Variants in CENPF observed in about 807,000 individuals in gnomAD.
CENPF encodes AH antigen.
A neutral mutation model predicts 307.3 loss-of-function variants in CENPF; 214 were observed. The observed-to-expected ratio is 0.70, with a 90% CI of 0.62 to 0.78. CENPF has a LOEUF of 0.78. Among genes scored for constraint, CENPF ranks in the 30% least tolerant of loss-of-function variants. The pLI, the probability that CENPF is intolerant of heterozygous loss-of-function variation, is 0.00. For missense variants in CENPF, 3,401 were observed against 3,483.9 expected, an observed-to-expected ratio of 0.98 and a Z score of 0.60; for synonymous variants, 1,259 against 1,270.6, an observed-to-expected ratio of 0.99 and a Z score of 0.19.
Position 214,657,004 on chromosome 1 carries a change from A to G in CENPF, c.8557A>G (p.Lys2853Glu). 2 of 1,613,712 alleles carry G rather than the reference A, an allele frequency of 1.2e-6. No homozygotes were observed. Among genetic ancestry groups the G allele is most frequent in the Non-Finnish European group, 8.5e-7 (1 of 1,179,928 alleles). The part of the protein sequence containing the change: ...IKELKETLEE[K>E]TKEADEYLDK... The stretch of plus-strand genomic sequence containing the variant: ...AGAACTGAAAGAAACTCTTGAAGAA[A>G]AAACCAAGGAGGCAGATGAATACTT... Residue 2853 changes from lysine to glutamate, a missense_variant, in exon 18 of 20, where the codon AAA becomes GAA. Lys to Glu is a moderately conservative substitution (Grantham distance 56, BLOSUM62 1). Transcript: ENST00000366955.
At chr1:214,616,841 CTTTCTTTCTTTCTTTCTT>C (rs1657356472) in intron 3 of CENPF, among the ~76,000 whole-genome samples, 2 of 2,458 alleles carry the variant, frequency 8.1e-4, no homozygotes, top group African/African-American at 1.3e-3. Context: ...CTTCCTCTTT[CTTTCTTTCTTTCTTTCTT>C]TCTTTCTTTC....
intron 17 of CENPF, among the ~76,000 whole-genome samples, chr1:214,655,920 C>T (rs975516931): frequency 1.1e-4 from 16 of 152,124 alleles, no homozygotes; most frequent in Admixed American, 4.6e-4. Context: ...ATAGAATTAT[C>T]GCATCTTCCA....
At chr1:214,618,543 T>C (rs561881237) in intron 3 of CENPF, 30 bp from the exon 4 acceptor site, 1 of 1,611,072 alleles carries the variant, frequency 6.2e-7, no homozygotes, top group Admixed American at 1.7e-5. Flanking sequence ...TCTAACTGAT[T>C]TGTCTGCCTC....
Position 214,629,160 on chromosome 1 carries a change from G to T in CENPF, c.1183G>T (p.Glu395Ter). The stretch of plus-strand genomic sequence containing the variant: ...ACAGAAAATTAAGGAAAAAGAAAAG[G>T]AGTTTCAAGAGGTAAGGTAAATGGA... ...LEQKIKEKEK[E>*]FQEELSRQQR... The change falls in exon 8 of 20, where the codon GAG becomes TAG. Residue 395 changes from glutamate to a stop codon, truncating the protein, a stop_gained. Coordinates refer to ENST00000366955, the MANE Select transcript of CENPF (RefSeq NM_016343.4). LOFTEE classifies it high-confidence loss of function. 6.2e-7 allele frequency: 1 copy of T among 1,607,360 alleles called. No individual in the cohort carries two copies. The highest frequency in any genetic ancestry group is 8.5e-7 in the Non-Finnish European group (1 of 1,178,138).
At chr1:214,608,411 A>G (rs1657099645) in intron 1 of CENPF, 1 of 1,613,394 alleles carries the variant, frequency 6.2e-7, no homozygotes, top group Admixed American at 1.7e-5. Context: ...TAGTCGTAGG[A>G]GAAGATGTTG....
chr1:214,640,034 C>A lies in CENPF; in HGVS notation c.1696C>A (p.Gln566Lys). 6.2e-7 allele frequency: 1 copy of A among 1,601,322 alleles called. No individual in the cohort carries two copies. The highest frequency in any genetic ancestry group is 8.5e-7 in the Non-Finnish European group (1 of 1,177,028). ...GCTTGCTGTGGCTGATCTGGAAAAG[C>A]AGCGAGATTGTTCTCAAGACCTTTT... ...LKLAVADLEK[Q>K]RDCSQDLLKK... Residue 566 changes from glutamine to lysine, a missense_variant, in exon 12 of 20, where the codon CAG becomes AAG. Coordinates refer to ENST00000366955, the MANE Select transcript of CENPF (RefSeq NM_016343.4).
At chr1:214,608,523 G>A (rs1204382622) in intron 1 of CENPF, 3 of 1,611,844 alleles carry the variant, frequency 1.9e-6, no homozygotes, top group Non-Finnish European at 1.7e-6. Flanking sequence ...CACCAGTCAC[G>A]CAGCGAACAT....
At chr1:214,631,481 TTTTGTTTG>T (rs557309107) in intron 9 of CENPF, among the ~76,000 whole-genome samples, 45 of 152,204 alleles carry the variant, frequency 3.0e-4, no homozygotes, top group Non-Finnish European at 4.7e-4. Context: ...TATTTGTGTG[TTTTGTTTG>T]TTTGTTTGTT....
At chr1:214,609,400 A>G (rs1222406390) in intron 1 of CENPF, among the ~76,000 whole-genome samples, 1 of 152,178 alleles carries the variant, frequency 6.6e-6, no homozygotes, top group Non-Finnish European at 1.5e-5. Context: ...GTGAGTAACT[A>G]TGATGGGAAA....
Position 214,643,231 on chromosome 1 carries a change from G to A in CENPF, c.4893G>A (p.Thr1631=), listed in dbSNP as rs775136005. Reference sequence around the variant, plus strand: ...AGTTGGCGGCAGAAAAGAAACAGACGGAACAACTGTCACTTGAGCTGGAAG... The same window carrying A: ...AGTTGGCGGCAGAAAAGAAACAGACAGAACAACTGTCACTTGAGCTGGAAG... The part of the protein sequence containing the change: ...ESKLAAEKKQ[T]EQLSLELEVA... Residue 1631 remains threonine (T), a synonymous_variant, in exon 12 of 20, where the codon ACG becomes ACA. Coordinates refer to ENST00000366955, the MANE Select transcript of CENPF (RefSeq NM_016343.4). 48 of 1,597,464 alleles carry A rather than the reference G, an allele frequency of 3.0e-5. No individual in the cohort carries two copies. Among genetic ancestry groups the A allele is most frequent in the East Asian group, 1.3e-4 (6 of 44,726 alleles).
rs1276833022 is a variant in CENPF at position 214,648,809 on chromosome 1, A to G, written c.7965A>G (p.Glu2655=). ...CTGGAGAGTTGCAGTTACTGTTGGA[A>G]GAAATAAAGAGCAGCAAAGTAAGTT... The part of the protein sequence containing the change: ...RLAGELQLLL[E]EIKSSKDQLK... The change falls in exon 14 of 20, where the codon GAA becomes GAG. Residue 2655 remains glutamate, a synonymous_variant. Transcript: ENST00000366955. 1 of 1,613,732 alleles carries G rather than the reference A, an allele frequency of 6.2e-7. No individual in the cohort carries two copies. Among genetic ancestry groups the G allele is most frequent in the East Asian group, 2.2e-5 (1 of 44,868 alleles).
intron 8 of CENPF, among the ~76,000 whole-genome samples, chr1:214,629,416 G>T (rs138169067): frequency 6.6e-6 from 1 of 152,152 alleles, no homozygotes; most frequent in East Asian, 1.9e-4. Context: ...TTTCTGATTT[G>T]TTTGAGATTT....
At chr1:214,635,045 C>T (rs1657917517) in intron 10 of CENPF, among the ~76,000 whole-genome samples, 1 of 152,076 alleles carries the variant, frequency 6.6e-6, no homozygotes. Context: ...CAGTGCCAGC[C>T]CCATAGCATT....
intron 12 of CENPF, among the ~76,000 whole-genome samples, chr1:214,644,167 G>A (rs1316885164): frequency 6.6e-6 from 1 of 152,198 alleles, no homozygotes; most frequent in Non-Finnish European, 1.5e-5. Context: ...TTATTAAAGA[G>A]TATCATAAAT....
At chr1:214,637,417 G>T (rs956195329) in intron 10 of CENPF, among the ~76,000 whole-genome samples, 8 of 151,340 alleles carry the variant, frequency 5.3e-5, no homozygotes, top group African/African-American at 1.2e-4. Context: ...TCCTGTAACA[G>T]CAAACCTTAA....
Position 214,622,292 on chromosome 1 carries a change from T to A in CENPF, c.1068+11T>A. The A allele has an allele frequency of 6.3e-7, 1 of 1,579,838 alleles. No individual in the cohort carries two copies. Among genetic ancestry groups the A allele is most frequent in the Non-Finnish European group, 8.6e-7 (1 of 1,163,130 alleles). ...CAGGCGTCAACCAAGGTACTTGACT[T>A]TTCGTGAATTACTGGAGAAATCTTC... On this transcript the variant is annotated intron_variant, in intron 7 of 19. Transcript: ENST00000366955.
chr1:214,620,580 A>G (rs1657476288), intron 5 of CENPF, 75 bp from the exon 6 acceptor site: 4 of 1,444,748 alleles, frequency 2.8e-6, no homozygotes, highest in African/African-American at 2.9e-5. Context: ...TTATGGCTTT[A>G]TATTCTATCT....
intron 7 of CENPF, among the ~76,000 whole-genome samples, chr1:214,627,913 G>A (rs969573048): frequency 3.9e-5 from 6 of 152,164 alleles, no homozygotes; most frequent in South Asian, 4.1e-4. Context: ...AATCAATACC[G>A]TGTTCTTAAG....
At chr1:214,636,625 C>T (rs1657973875) in intron 10 of CENPF, among the ~76,000 whole-genome samples, 1 of 152,166 alleles carries the variant, frequency 6.6e-6, no homozygotes, top group Non-Finnish European at 1.5e-5. Flanking sequence ...CATCGGTACC[C>T]ATCTGCTGGT....
Sources: allele counts gnomAD v4.1 joint callset (sites outside exome capture counted in the v4.1 genomes callset), GRCh38; gene constraint gnomAD v4.1.1; transcripts MANE v1.5; gene names NCBI Gene and HGNC (gene_info 2026-07-23, HGNC 2026-07-21).